Variants in ANK3 observed in about 807,000 individuals in gnomAD.
ANK3 encodes the protein ankyrin-3.
Under a neutral mutation model 370.9 loss-of-function variants are expected in ANK3, and 57 were observed. That is an observed-to-expected ratio of 0.15 (90% CI 0.12 to 0.19). The LOEUF (loss-of-function observed/expected upper bound fraction) is 0.19, where lower values mean the gene tolerates loss of function less well. ANK3 is among the 10% of genes least tolerant of loss of function. The probability of loss-of-function intolerance (pLI) is 1.00; values close to 1 mark genes in which losing one functional copy is unlikely to be tolerated. For synonymous variants in ANK3, 1,929 were observed against 1,946.3 expected (o/e 0.99, Z 0.23); for missense variants, 4,439 against 5,302.1 (o/e 0.84, Z 5.06).
chr10:60,326,755 C>G (rs2049969632), intron 1 of ANK3, among the ~76,000 whole-genome samples: 1 of 152,164 alleles, frequency 6.6e-6, no homozygotes, highest in Non-Finnish European at 1.5e-5. Context: ...GGCGCGTTGA[C>G]TCATGCCTGT....
chr10:60,396,472 A>G (rs893505714), intron 2 of ANK3, among the ~76,000 whole-genome samples: 3 of 152,212 alleles, frequency 2.0e-5, no homozygotes, highest in Non-Finnish European at 2.9e-5. Context: ...GATAATAGAT[A>G]TGCTTTGGTA....
At chr10:60,499,768 A>G (rs1425553978) in intron 2 of ANK3, among the ~76,000 whole-genome samples, 1 of 152,188 alleles carries the variant, frequency 6.6e-6, no homozygotes, top group African/African-American at 2.4e-5. Context: ...AGCCCATTTT[A>G]ATGTTTTGTG....
At chr10:60,033,533 A>C (rs1020615309) in intron 43 of ANK3, among the ~76,000 whole-genome samples, 31 of 149,642 alleles carry the variant, frequency 2.1e-4, no homozygotes, top group Admixed American at 2.1e-3. Flanking sequence ...AAAAAAAAAA[A>C]AAAAAACTTG....
At chr10:60,362,239 C>CA (rs1431253633) in intron 1 of ANK3, among the ~76,000 whole-genome samples, 2 of 151,840 alleles carry the variant, frequency 1.3e-5, no homozygotes, top group South Asian at 2.1e-4. Flanking sequence ...TAGAAAAAAA[C>CA]AAAAAACAAC....
Position 60,172,945 on chromosome 10 carries a change from T to A in ANK3, c.2337A>T (p.Ile779=). The A allele has an allele frequency of 6.2e-7, 1 of 1,614,018 alleles. No homozygotes were observed. Among genetic ancestry groups the A allele is most frequent in the Middle Eastern group, 1.7e-4 (1 of 6,058 alleles). The change falls in exon 20 of 44, where the codon ATA becomes ATT. Residue 779 remains isoleucine (I), a synonymous_variant. Coordinates refer to ENST00000280772, the MANE Select transcript of ANK3 (RefSeq NM_020987.5). The stretch of plus-strand genomic sequence containing the variant: ...AGGCGTTGTTCTGAAGTAAGACATT[T>A]ATTATATGCGTATGCCCCTGCTGTG... ...QAAQQGHTHI[I]NVLLQNNASP...
Position 60,429,291 on chromosome 10 carries a change from T to C in ANK3, c.97-149652A>G, listed in dbSNP as rs7913833. Among the ~76,000 whole-genome samples the C allele has an allele frequency of 8.2e-3, 1,250 of 152,220 alleles. 7 individuals are homozygous for C. The highest frequency in any genetic ancestry group is 0.011 in the African/African-American group (476 of 41,516). ...CTCTCAAGCAGCCTATCTTCCTTCC[T>C]GTTTCTCTGTAAGTCTAGGAGAAAG... On this transcript the variant is annotated intron_variant, in intron 2 of 43. Coordinates refer to the ANK3 transcript ENST00000373827.
chr10:60,443,429 G>T (rs1363958079), intron 2 of ANK3, among the ~76,000 whole-genome samples: 1 of 151,866 alleles, frequency 6.6e-6, no homozygotes, highest in African/African-American at 2.4e-5. Context: ...ATTCCTTCTG[G>T]GAGCCTGAGA....
At chr10:60,514,099 T>A (rs2076156086) in intron 2 of ANK3, among the ~76,000 whole-genome samples, 1 of 152,168 alleles carries the variant, frequency 6.6e-6, no homozygotes, top group South Asian at 2.1e-4. Context: ...TTTCTTAACC[T>A]TTTCTGTAGC....
chr10:60,106,768 G>T (rs972505541), intron 27 of ANK3, among the ~76,000 whole-genome samples: 1 of 152,148 alleles, frequency 6.6e-6, no homozygotes, highest in Non-Finnish European at 1.5e-5. Flanking sequence ...AAGAATGGCT[G>T]CAAATTGAAC....
chr10:60,387,525 A>G (rs2062560155), intron 1 of ANK3, among the ~76,000 whole-genome samples: 1 of 152,188 alleles, frequency 6.6e-6, no homozygotes, highest in Non-Finnish European at 1.5e-5. Flanking sequence ...TACCTATTTT[A>G]CTATGTTAAG....
chr10:60,549,700 T>C (rs914171681), intron 2 of ANK3, among the ~76,000 whole-genome samples: 1 of 152,156 alleles, frequency 6.6e-6, no homozygotes, highest in Non-Finnish European at 1.5e-5. Context: ...AAATTATATG[T>C]TGAAATTGTT....
At chr10:60,472,344 T>C (rs1334035537) in intron 2 of ANK3, among the ~76,000 whole-genome samples, 2 of 152,200 alleles carry the variant, frequency 1.3e-5, no homozygotes, top group East Asian at 1.9e-4. Flanking sequence ...TATCATCACA[T>C]AGATTTCCAG....
chr10:60,300,569 C>T (rs559611115), intron 1 of ANK3: 1 of 1,175,352 alleles, frequency 8.5e-7, no homozygotes, highest in East Asian at 5.9e-5. Context: ...TTATAAACAG[C>T]ATAGTACCTC....
intron 2 of ANK3, among the ~76,000 whole-genome samples, chr10:60,444,730 A>G (rs1227312471): frequency 6.6e-6 from 1 of 152,064 alleles, no homozygotes; most frequent in Admixed American, 6.6e-5. Flanking sequence ...TGCTAAGAAA[A>G]CATTCCTTTT....
intron 2 of ANK3, among the ~76,000 whole-genome samples, chr10:60,487,064 G>A (rs1048918607): frequency 2.6e-5 from 4 of 152,072 alleles, no homozygotes; most frequent in African/African-American, 9.7e-5. Context: ...CCAAAAGTTA[G>A]AGCGATGAGC....
intron 1 of ANK3, among the ~76,000 whole-genome samples, chr10:60,642,981 T>C (rs2078657240): frequency 6.6e-6 from 1 of 152,142 alleles, no homozygotes; most frequent in Non-Finnish European, 1.5e-5. Flanking sequence ...TAATAAAATG[T>C]GAAGCATTAT....
At chr10:60,615,113 G>C in intron 2 of ANK3, 2 of 993,944 alleles carry the variant, frequency 2.0e-6, no homozygotes, top group South Asian at 1.8e-5. Flanking sequence ...TCAACTCTAT[G>C]TTTATAATTG....
intron 26 of ANK3, among the ~76,000 whole-genome samples, chr10:60,109,453 T>A (rs568406353): frequency 6.6e-5 from 10 of 152,348 alleles, no homozygotes; most frequent in Non-Finnish European, 1.3e-4. Context: ...TATGCTGCCA[T>A]ATGGTCTCTT....
At chr10:60,117,657 A>C (rs2093189967) in intron 25 of ANK3, among the ~76,000 whole-genome samples, 1 of 152,088 alleles carries the variant, frequency 6.6e-6, no homozygotes, top group African/African-American at 2.4e-5. Flanking sequence ...TCTCTACTAA[A>C]AATACAAAAA....
Sources: gnomAD v4.1 joint callset for allele counts (sites outside exome capture counted in the v4.1 genomes callset) on GRCh38, gnomAD v4.1.1 for gene constraint, MANE v1.5 for transcripts, NCBI Gene and HGNC (gene_info 2026-07-23, HGNC 2026-07-21) for gene names.